CACNG2: variants seen among roughly 807,000 people sequenced by gnomAD.
CACNG2 encodes the protein calcium voltage-gated channel auxiliary subunit gamma 2.
Under a neutral mutation model 25.9 loss-of-function variants are expected in CACNG2, and 3 were observed. That is an observed-to-expected ratio of 0.12 (90% CI 0.05 to 0.30). The LOEUF is 0.30. CACNG2 is among the 10% of genes least tolerant of loss of function. The probability of loss-of-function intolerance (pLI) is 1.00; values close to 1 mark genes in which losing one functional copy is unlikely to be tolerated. For missense variants in CACNG2, 341 were observed against 432.5 expected, an observed-to-expected ratio of 0.79 and a Z score of 1.88; for synonymous variants, 167 against 173.3, an observed-to-expected ratio of 0.96 and a Z score of 0.29.
intron 1 of CACNG2, among the ~76,000 whole-genome samples, chr22:36,625,902 C>A (rs1936176475): frequency 6.6e-6 from 1 of 152,110 alleles, no homozygotes; most frequent in South Asian, 2.1e-4. Context: ...TACCTTGAAA[C>A]CTGGTTTTGC....
chr22:36,592,449 G>A (rs1032783979), intron 1 of CACNG2, among the ~76,000 whole-genome samples: 1 of 152,088 alleles, frequency 6.6e-6, no homozygotes, highest in Non-Finnish European at 1.5e-5. Flanking sequence ...GGTGGCTTGG[G>A]GCAGGCAGAG....
intron 1 of CACNG2, among the ~76,000 whole-genome samples, chr22:36,686,518 C>T (rs886882218): frequency 1.3e-5 from 2 of 152,192 alleles, no homozygotes; most frequent in African/African-American, 2.4e-5. Flanking sequence ...CTCAGGCATG[C>T]AATGGGCCTG....
chr22:36,665,935 T>C (rs1019032566), intron 1 of CACNG2, among the ~76,000 whole-genome samples: 7 of 152,238 alleles, frequency 4.6e-5, no homozygotes, highest in South Asian at 2.1e-4. Flanking sequence ...CATGGTAGCA[T>C]TATTCACAAT....
At chr22:36,594,731 G>C (rs1036516202) in intron 1 of CACNG2, among the ~76,000 whole-genome samples, 5 of 151,722 alleles carry the variant, frequency 3.3e-5, no homozygotes, top group South Asian at 2.1e-4. Flanking sequence ...GTGTGTGTCT[G>C]TGTGTGCATG....
Position 36,564,352 on chromosome 22 carries a change from T to C in CACNG2, c.971A>G (p.Ter324=), listed in dbSNP as rs768734748. ...NTANRRTTPV[*] ...GTCTTCTGGCGAGGCCCGCGGTCTT[T>C]ATACGGGGGTGGTCCGGCGGTTGGC... Residue 324 remains the stop codon, a stop_retained_variant, in exon 4 of 4, where the codon TAA becomes TGA. Coordinates refer to ENST00000300105, the MANE Select transcript of CACNG2 (RefSeq NM_006078.5). The surrounding 1 kb of genome is among the most constrained non-coding windows in gnomAD (Gnocchi z 6.7). The C allele has an allele frequency of 2.4e-5, 38 of 1,613,066 alleles. No individual in the cohort carries two copies. The highest frequency in any genetic ancestry group is 3.1e-5 in the Non-Finnish European group (36 of 1,179,592).
At chr22:36,646,493 C>A (rs1403298686) in intron 1 of CACNG2, among the ~76,000 whole-genome samples, 1 of 152,140 alleles carries the variant, frequency 6.6e-6, no homozygotes, top group Non-Finnish European at 1.5e-5. Context: ...AATTGATTTG[C>A]AATCAGTTAC....
intron 1 of CACNG2, among the ~76,000 whole-genome samples, chr22:36,588,938 ATG>A (rs1003030617): frequency 4.0e-5 from 6 of 150,990 alleles, no homozygotes; most frequent in African/African-American, 1.5e-4. Context: ...AGATTCTAGT[ATG>A]TGTCATAGAT....
chr22:36,637,478 T>C (rs1414290521), intron 1 of CACNG2, among the ~76,000 whole-genome samples: 1 of 152,112 alleles, frequency 6.6e-6, no homozygotes, highest in Non-Finnish European at 1.5e-5. Flanking sequence ...ACGTAGGCAG[T>C]AGAGCCCAGT....
At chr22:36,637,013 G>A (rs750329641) in intron 1 of CACNG2, among the ~76,000 whole-genome samples, 1 of 152,206 alleles carries the variant, frequency 6.6e-6, no homozygotes, top group African/African-American at 2.4e-5. Context: ...AAGGACCCAG[G>A]GATTAACGTC....
Position 36,576,876 on chromosome 22 carries a change from C to T in CACNG2, c.296-10383G>A, listed in dbSNP as rs139420264. Among the ~76,000 whole-genome samples the T allele has an allele frequency of 5.2e-4, 79 of 152,250 alleles. 1 individual carries two copies. The highest frequency in any genetic ancestry group is 1.9e-3 in the African/African-American group (77 of 41,540). ...GTTTCAAGTGTCAGGCCTGGCACAT[C>T]GTCAAGTGTTCAATGAACGTGTGCT... On this transcript the variant is annotated intron_variant, in intron 2 of 3. Transcript: ENST00000300105.
chr22:36,598,872 G>T (rs932700347), intron 1 of CACNG2, among the ~76,000 whole-genome samples: 1 of 152,056 alleles, frequency 6.6e-6, no homozygotes, highest in African/African-American at 2.4e-5. Flanking sequence ...CCAGCTACTC[G>T]GGAGGCTGAG....
In CACNG2 at chr22:36,562,111, G is replaced by A. The variant is rs1383312296; in HGVS notation, c.*2240C>T. The stretch of plus-strand genomic sequence containing the variant: ...CGTCTTTCCCCTCTTTGCCTGAACA[G>A]CTTTATGTTTGCTCACATGTGTGTA... On this transcript the variant is annotated 3_prime_UTR_variant, in exon 4 of 4. Coordinates refer to ENST00000300105, the MANE Select transcript of CACNG2 (RefSeq NM_006078.5). 2.6e-5 allele frequency: 4 copies of A among 152,614 alleles called. No homozygotes were observed. The highest frequency in any genetic ancestry group is 5.8e-5 in the Non-Finnish European group (4 of 68,392). 9.5% of individuals were successfully genotyped at this position (152,614 alleles called of 1,614,324 possible).
At chr22:36,580,489 C>A (rs1383901923) in intron 2 of CACNG2, among the ~76,000 whole-genome samples, 1 of 152,130 alleles carries the variant, frequency 6.6e-6, no homozygotes, top group African/African-American at 2.4e-5. Flanking sequence ...GCCTCCCTTC[C>A]CCCTTCTCTC....
chr22:36,615,385 C>T (rs986573237), intron 1 of CACNG2, among the ~76,000 whole-genome samples: 1 of 152,184 alleles, frequency 6.6e-6, no homozygotes, highest in African/African-American at 2.4e-5. Flanking sequence ...GCTCAACTGC[C>T]GCTTTCCACA....
At chr22:36,602,677 C>T (rs554998253) in intron 1 of CACNG2, among the ~76,000 whole-genome samples, 91 of 152,312 alleles carry the variant, frequency 6.0e-4, no homozygotes, top group Non-Finnish European at 1.0e-3. Flanking sequence ...TGAGCCACTG[C>T]GCCCGGACTA....
At chr22:36,584,519 C>T (rs560963401) in intron 2 of CACNG2, 1 of 152,358 alleles carries the variant, frequency 6.6e-6, no homozygotes, top group East Asian at 1.9e-4. Context: ...TTGTTTCTTA[C>T]ACTAGGATGT....
chr22:36,687,608 A>T (rs925655298), intron 1 of CACNG2, among the ~76,000 whole-genome samples: 1 of 152,218 alleles, frequency 6.6e-6, no homozygotes, highest in African/African-American at 2.4e-5. Context: ...CCACATCCCA[A>T]TTCCTGTAAC....
At chr22:36,624,179 C>G (rs908606469) in intron 1 of CACNG2, among the ~76,000 whole-genome samples, 2 of 152,204 alleles carry the variant, frequency 1.3e-5, no homozygotes, top group Admixed American at 1.3e-4. Flanking sequence ...CTAAATCATG[C>G]AGCACCAGCA....
intron 1 of CACNG2, among the ~76,000 whole-genome samples, chr22:36,621,262 C>G (rs1440154978): frequency 6.6e-6 from 1 of 152,184 alleles, no homozygotes; most frequent in Non-Finnish European, 1.5e-5. Context: ...AATCCCAGCA[C>G]TTTGGGAGGC....
Sources: gnomAD v4.1 joint callset for allele counts (sites outside exome capture counted in the v4.1 genomes callset) on GRCh38, gnomAD v4.1.1 for gene constraint, Gnocchi (gnomAD v3.1) non-coding constraint, MANE v1.5 for transcripts, NCBI Gene and HGNC (gene_info 2026-07-23, HGNC 2026-07-21) for gene names.